Variants in TENM1 observed in about 807,000 individuals in gnomAD.
TENM1 encodes the protein teneurin transmembrane protein 1, also known as teneurin-1.
TENM1 carries 35 observed loss-of-function variants against 174.8 expected under a neutral mutation model. The observed-to-expected ratio is 0.20, with a 90% CI of 0.15 to 0.27. TENM1 has a LOEUF of 0.27. TENM1 is among the 10% of genes least tolerant of loss of function. TENM1 has a pLI of 1.00. For synonymous variants in TENM1, 781 were observed against 798.7 expected, an observed-to-expected ratio of 0.98 and a Z score of 0.37; for missense variants, 1,633 against 2,130.1, an observed-to-expected ratio of 0.77 and a Z score of 4.59.
chrX:124,980,963 T>A, the TENM1 span, among the ~76,000 whole-genome samples: 1 of 112,151 alleles, frequency 8.9e-6, no homozygotes, highest in Non-Finnish European at 1.9e-5. Flanking sequence ...AATTTGAAAT[T>A]TGTACTTTCC....
chrX:124,916,387 A>G (rs1391039092), intron 1 of TENM1, among the ~76,000 whole-genome samples: 4 of 110,995 alleles, frequency 3.6e-5, no homozygotes, highest in Non-Finnish European at 3.8e-5. Context: ...AGCTCACTGT[A>G]ACCTCGACCT....
At chrX:124,437,734 C>T (rs1226520211) in intron 23 of TENM1, among the ~76,000 whole-genome samples, 2 of 111,924 alleles carry the variant, frequency 1.8e-5, no homozygotes, top group Non-Finnish European at 3.8e-5. Flanking sequence ...GCAATTACTC[C>T]TTCAGAATCC....
intron 3 of TENM1, among the ~76,000 whole-genome samples, chrX:124,764,871 A>G (rs2054505884): frequency 9.0e-6 from 1 of 110,882 alleles, no homozygotes; most frequent in Non-Finnish European, 1.9e-5. Context: ...TTTGCCATTC[A>G]ACAGACCCAC....
In TENM1 at chrX:124,384,348, T is replaced by C. The variant is rs200552351; in HGVS notation, c.6583A>G (p.Ser2195Gly). ...TATCGGAGAGGAGTAAGACGAGCAC[T>C]CTTCCCATGGCTTAAGAGGTTGATG... The change falls in exon 30 of 32, where the codon AGT becomes GGT. Residue 2195 changes from serine (S) to glycine (G), a missense_variant. Around this residue, in one of 4 missense-constraint regions of TENM1, gnomAD observed 807 missense variants for 1,125.3 expected, o/e 0.72. Coordinates refer to ENST00000422452, the Ensembl canonical transcript of TENM1. The C allele has an allele frequency of 7.9e-5, 96 of 1,209,237 alleles. No homozygotes were observed. The highest frequency in any genetic ancestry group is 9.8e-5 in the Non-Finnish European group (88 of 894,903).
the TENM1 span, among the ~76,000 whole-genome samples, chrX:125,082,372 T>C: frequency 1.8e-5 from 2 of 110,454 alleles, no homozygotes; most frequent in Non-Finnish European, 3.8e-5. Flanking sequence ...ATTCCTCTGC[T>C]CAAAAGCCTC....
intron 22 of TENM1, among the ~76,000 whole-genome samples, chrX:124,480,820 TACAC>T (rs770532429): frequency 1.8e-5 from 2 of 110,354 alleles, no homozygotes; most frequent in East Asian, 5.7e-4. Context: ...TGCATGCAGA[TACAC>T]ACACACACAC....
chrX:124,450,120 C>T (rs1335812352), intron 23 of TENM1, among the ~76,000 whole-genome samples: 1 of 110,695 alleles, frequency 9.0e-6, no homozygotes, highest in Non-Finnish European at 1.9e-5. Flanking sequence ...CGTGATAGTG[C>T]ATGAGTCTCA....
intron 22 of TENM1, among the ~76,000 whole-genome samples, chrX:124,458,921 A>G (rs1331394878): frequency 8.9e-6 from 1 of 112,469 alleles, no homozygotes; most frequent in Admixed American, 9.4e-5. Context: ...TCATTAACTT[A>G]TTCAAGATTT....
At chrX:125,148,592 C>A in the TENM1 span, among the ~76,000 whole-genome samples, 1 of 111,901 alleles carries the variant, frequency 8.9e-6, no homozygotes, top group Non-Finnish European at 1.9e-5. Context: ...AACTCTAATT[C>A]TCTCTTGAAC....
At chrX:124,594,595 A>C (rs1192977393) in intron 11 of TENM1, among the ~76,000 whole-genome samples, 8 of 111,812 alleles carry the variant, frequency 7.2e-5, no homozygotes, top group Non-Finnish European at 1.5e-4. Context: ...TGCTCTTGTC[A>C]CAAAAAGTAA....
At chrX:124,941,915 G>A (rs1385439669) in intron 1 of TENM1, among the ~76,000 whole-genome samples, 1 of 111,702 alleles carries the variant, frequency 9.0e-6, no homozygotes. Context: ...ATGGCAGCAG[G>A]CAAAAGAGAA....
intron 3 of TENM1, among the ~76,000 whole-genome samples, chrX:124,828,704 T>TA (rs774924441): frequency 1.1e-3 from 124 of 111,913 alleles, no homozygotes; most frequent in African/African-American, 3.8e-3. Context: ...TCAAAAAATG[T>TA]AAAAAATCAT....
the TENM1 span, among the ~76,000 whole-genome samples, chrX:125,003,780 A>G: frequency 8.9e-5 from 10 of 111,815 alleles, no homozygotes; most frequent in African/African-American, 3.3e-4. Context: ...CAAAACCAAG[A>G]TAATAAGACA....
chrX:124,473,840 T>G (rs1175098928), intron 22 of TENM1, among the ~76,000 whole-genome samples: 1 of 111,927 alleles, frequency 8.9e-6, no homozygotes, highest in African/African-American at 3.2e-5. Flanking sequence ...AGAAAATCCT[T>G]ATGGGAATGA....
intron 4 of TENM1, among the ~76,000 whole-genome samples, chrX:124,713,884 C>T (rs181028296): frequency 3.6e-5 from 4 of 111,875 alleles, no homozygotes; most frequent in African/African-American, 1.3e-4. Context: ...CAACTATATG[C>T]GCTCATTTCA....
the TENM1 span, among the ~76,000 whole-genome samples, chrX:125,127,212 T>G: frequency 1.8e-5 from 2 of 111,465 alleles, no homozygotes; most frequent in African/African-American, 6.5e-5. Context: ...CAGGAAAATT[T>G]TAAGTTATTT....
At chrX:124,964,876 T>C (rs1289109699), upstream of TENM1, among the ~76,000 whole-genome samples, 1 of 112,276 alleles carries the variant, frequency 8.9e-6, no homozygotes, top group Non-Finnish European at 1.9e-5. Flanking sequence ...CTTTTATTTT[T>C]CTTCAGCTCT....
At chrX:125,045,767 C>T in the TENM1 span, among the ~76,000 whole-genome samples, 5 of 111,655 alleles carry the variant, frequency 4.5e-5, no homozygotes, top group African/African-American at 1.6e-4. Context: ...ACCAGTCAGC[C>T]CCAGATTCTC....
chrX:124,875,531 T>G (rs2057182942), intron 3 of TENM1, among the ~76,000 whole-genome samples: 1 of 109,848 alleles, frequency 9.1e-6, no homozygotes, highest in African/African-American at 3.3e-5. Context: ...TTCATAAGTT[T>G]AAAGTAGTTA....
Sources: gnomAD v4.1 joint callset for allele counts (sites outside exome capture counted in the v4.1 genomes callset) on GRCh38, gnomAD v4.1.1 for gene constraint, gnomAD v4.1.1 regional missense constraint, MANE v1.5 for transcripts, NCBI Gene and HGNC (gene_info 2026-07-23, HGNC 2026-07-21) for gene names.